Variants in USP36 observed in about 807,000 individuals in gnomAD.
USP36 encodes ubiquitin specific peptidase 36.
USP36 carries 59 observed loss-of-function variants against 111.5 expected under a neutral mutation model. The ratio of observed to expected loss-of-function variants is 0.53; its 90% CI spans 0.43 to 0.66. The LOEUF is 0.66. Ranked by LOEUF, USP36 falls within the 30% of genes least tolerant of loss-of-function variation. USP36 has a pLI of 0.00. For missense variants in USP36, 1,488 were observed against 1,468.0 expected (o/e 1.01, Z -0.22); for synonymous variants, 628 against 581.0 (o/e 1.08, Z -1.16).
downstream of USP36, chr17:78,795,518 C>G (rs902475064): frequency 6.6e-6 from 1 of 152,216 alleles, no homozygotes; most frequent in Non-Finnish European, 1.5e-5. This position sits in a 1 kb window ranked among gnomAD's most constrained non-coding sequence, Gnocchi z 4.5. Context: ...CTCCTGGTCA[C>G]TGAGCTCCCT....
At position 78,822,017 on chromosome 17, in the gene USP36, C is replaced by T. The variant is rs749329841; in HGVS notation, c.690-13G>A. Reference sequence around the variant, plus strand: ...TTGACGATCCAACCTGAAAAGGAGACCCCAGCCTTTAAGGGAAGGGCTCAG... The same window carrying T: ...TTGACGATCCAACCTGAAAAGGAGATCCCAGCCTTTAAGGGAAGGGCTCAG... On this transcript the variant is annotated splice_polypyrimidine_tract_variant and intron_variant, in intron 6 of 20. Coordinates refer to ENST00000449938, the MANE Select transcript of USP36 (RefSeq NM_001385174.1). The T allele has an allele frequency of 3.1e-6, 5 of 1,614,032 alleles. No individual in the cohort carries two copies. In the South Asian group the frequency reaches 5.5e-5, roughly 18 times the overall value.
At chr17:78,821,237 A>G (rs1049212049) in intron 7 of USP36, 176 bp from the exon 8 acceptor site, 2 of 596,158 alleles carry the variant, frequency 3.4e-6, no homozygotes, top group African/African-American at 3.8e-5. Flanking sequence ...TCACCACTGA[A>G]GTTCACAAAG....
chr17:78,799,043 G>C lies in USP36; in HGVS notation c.3125-20C>G. On this transcript the variant is annotated intron_variant, in intron 18 of 20. Transcript: ENST00000449938. ...TCAGAACTACCAGGCAGACACGGGG[G>C]TCAGCACGAGTGCAGGTTCCCAGGT... 1 of 1,611,082 alleles carries C rather than the reference G, an allele frequency of 6.2e-7. No homozygotes were observed. The highest frequency in any genetic ancestry group is 1.7e-5 in the Admixed American group (1 of 60,030).
At chr17:78,788,041 T>A (rs1240896674) in intron 3 of USP36, among the ~76,000 whole-genome samples, 1 of 152,198 alleles carries the variant, frequency 6.6e-6, no homozygotes, top group African/African-American at 2.4e-5. Flanking sequence ...TCTGGCACTG[T>A]GAGAGAACAT....
chr17:78,812,717 AAG>A (rs2094095069), intron 13 of USP36, 141 bp downstream of exon 13: 8 of 807,156 alleles, frequency 9.9e-6, no homozygotes, highest in Non-Finnish European at 1.2e-5. Flanking sequence ...AAAAAAAAAA[AAG>A]AAAAGAAAAG....
At chr17:78,813,710 C>A (rs1182191307) in intron 12 of USP36, 63 bp downstream of exon 12, 2 of 1,472,950 alleles carry the variant, frequency 1.4e-6, no homozygotes, top group Admixed American at 1.8e-5. Context: ...GTTAGGGAGG[C>A]CCACCGGTAT....
Position 78,798,778 on chromosome 17 carries a change from G to T in USP36, c.3240+130C>A. 2.4e-6 allele frequency: 3 copies of T among 1,271,288 alleles called. No individual in the cohort carries two copies. Among genetic ancestry groups the T allele is most frequent in the East Asian group, 2.3e-5 (1 of 43,206 alleles). 78.8% of individuals were successfully genotyped at this position (1,271,288 alleles called of 1,614,324 possible). A position where few individuals can be genotyped will look rare whatever the true frequency, so the allele number is the denominator to read the frequency against. ...TGTCCATGGCCACACGCCCGGACAG[G>T]CCTGGGCAGCCTGGCTCTTCTCATG... On this transcript the variant is annotated intron_variant, in intron 19 of 20. Coordinates refer to ENST00000449938, the MANE Select transcript of USP36 (RefSeq NM_001385174.1). The surrounding 1 kb of genome is among the most constrained non-coding windows in gnomAD (Gnocchi z 5.1).
intron 4 of USP36, among the ~76,000 whole-genome samples, chr17:78,833,204 T>G (rs1567970212): frequency 6.6e-6 from 1 of 152,218 alleles, no homozygotes; most frequent in Non-Finnish European, 1.5e-5. Context: ...CCTTGATAAT[T>G]AACCTTTGCT....
rs753955306 is a variant in USP36 at position 78,806,212 on chromosome 17, G to A, written c.2160C>T (p.His720=). 48 of 1,613,740 alleles carry A rather than the reference G, an allele frequency of 3.0e-5. 1 individual carries two copies. The Admixed American group carries it at 4.5e-4, about 15-fold the overall frequency. Residue 720 remains histidine, a synonymous_variant, in exon 15 of 21, where the codon CAC becomes CAT. Transcript: ENST00000449938. The stretch of plus-strand genomic sequence containing the variant: ...CGACGGGGTGAGAGGTTTTCATGGG[G>A]TGGGTGAGGTCGGAGGATGGTGAGG... ...PPPSPSSDLT[H]PMKTSHPVVA... is the part of the protein sequence containing the mutation.
At chr17:78,793,644 G>A (rs2144845551), downstream of USP36, among the ~76,000 whole-genome samples, 1 of 152,154 alleles carries the variant, frequency 6.6e-6, no homozygotes, top group African/African-American at 2.4e-5. Flanking sequence ...TTACCACCAC[G>A]TCCTTGGCGT....
At position 78,806,952 on chromosome 17, in the gene USP36, C is replaced by G. The variant is rs747607736; in HGVS notation, c.2085+7G>C. ...ACACAGCAGCGGCGAGACCCCCACA[C>G]ACCCACCTTCTTGGCAGAAAGGGCC... On this transcript the variant is annotated splice_region_variant and intron_variant, in intron 14 of 20. Coordinates refer to ENST00000449938, the MANE Select transcript of USP36 (RefSeq NM_001385174.1). The G allele has an allele frequency of 2.0e-5, 32 of 1,613,312 alleles. No homozygotes were observed. Among genetic ancestry groups the G allele is most frequent in the Non-Finnish European group, 2.7e-5 (32 of 1,179,474 alleles).
At chr17:78,795,047 G>A (rs11869631), downstream of USP36, among the ~76,000 whole-genome samples, 1,315 of 146,860 alleles carry the variant, frequency 9.0e-3, 16 homozygotes, top group African/African-American at 0.03. This position sits in a 1 kb window ranked among gnomAD's most constrained non-coding sequence, Gnocchi z 4.5. Flanking sequence ...CCACAGCCTC[G>A]CCCATGTCGC....
At chr17:78,814,717 C>A (rs900035276) in intron 10 of USP36, among the ~76,000 whole-genome samples, 165 bp from the exon 11 acceptor site, 8 of 152,044 alleles carry the variant, frequency 5.3e-5, no homozygotes, top group Non-Finnish European at 1.2e-4. Flanking sequence ...CTTTGGGAGG[C>A]TGAGGCAGGG....
At chr17:78,839,690 C>T (rs1273345135) in intron 1 of USP36, among the ~76,000 whole-genome samples, 3 of 152,186 alleles carry the variant, frequency 2.0e-5, no homozygotes. Flanking sequence ...TGGGACAGGT[C>T]AATCTCTACT....
At chr17:78,810,126 T>A (rs1223942820) in intron 13 of USP36, among the ~76,000 whole-genome samples, 1 of 150,976 alleles carries the variant, frequency 6.6e-6, no homozygotes, top group Non-Finnish European at 1.5e-5. Flanking sequence ...GCCCCCCTCT[T>A]CTTTTTTTTG....
chr17:78,805,057 C>A (rs1190115499), intron 15 of USP36, among the ~76,000 whole-genome samples: 2 of 152,094 alleles, frequency 1.3e-5, no homozygotes, highest in African/African-American at 4.8e-5. Flanking sequence ...TAGTGCCGAA[C>A]CCAGTGAGGC....
At chr17:78,788,304 A>AG (rs2093552800) in intron 3 of USP36, among the ~76,000 whole-genome samples, 1 of 151,966 alleles carries the variant, frequency 6.6e-6, no homozygotes, top group Non-Finnish European at 1.5e-5. Flanking sequence ...AGCTGGGACT[A>AG]CAGGTATGCG....
chr17:78,831,512 A>G lies in USP36; in HGVS notation c.476-2505T>C, dbSNP rs117644066. Among the ~76,000 whole-genome samples the G allele has an allele frequency of 6.0e-3, 901 of 150,848 alleles. 33 individuals are homozygous for G. In the East Asian group the frequency reaches 0.11, roughly 19 times the overall value. ...CCTGTAATCCCAGCTACTTGGGAGG[A>G]TGAGGGAAGAGAATCGCTTGAACCT... On this transcript the variant is annotated intron_variant, in intron 4 of 20. Transcript: ENST00000449938.
chr17:78,827,156 C>T (rs749785145), intron 6 of USP36, 89 bp downstream of exon 6: 16 of 1,191,704 alleles, frequency 1.3e-5, no homozygotes, highest in Admixed American at 7.8e-5. Context: ...AGAAAGGTGC[C>T]GGGCTGGCTG....
Sources: allele counts gnomAD v4.1 joint callset (sites outside exome capture counted in the v4.1 genomes callset), GRCh38; gene constraint gnomAD v4.1.1; non-coding constraint Gnocchi (gnomAD v3.1); transcripts MANE v1.5; gene names NCBI Gene and HGNC (gene_info 2026-07-23, HGNC 2026-07-21).